ATP8A1: variants seen among roughly 807,000 people sequenced by gnomAD.
The protein encoded by ATP8A1 is phospholipid-transporting ATPase IA.
A neutral mutation model predicts 177.7 loss-of-function variants in ATP8A1; 90 were observed. The observed-to-expected ratio is 0.51, with a 90% CI of 0.43 to 0.60. ATP8A1 has a LOEUF of 0.60. Among genes scored for constraint, ATP8A1 ranks in the 20% least tolerant of loss-of-function variants. The pLI, the probability that ATP8A1 is intolerant of heterozygous loss-of-function variation, is 0.00. For missense variants in ATP8A1, 1,072 were observed against 1,392.8 expected, an observed-to-expected ratio of 0.77 and a Z score of 3.67; for synonymous variants, 493 against 485.9, an observed-to-expected ratio of 1.01 and a Z score of -0.19.
At chr4:42,529,223 G>A (rs1157250252) in intron 20 of ATP8A1, among the ~76,000 whole-genome samples, 1 of 152,282 alleles carries the variant, frequency 6.6e-6, no homozygotes, top group African/African-American at 2.4e-5. Context: ...GGCAGACGGG[G>A]ATGCTGTTTG....
At chr4:42,514,537 C>G (rs2153196256) in intron 22 of ATP8A1, among the ~76,000 whole-genome samples, 1 of 152,270 alleles carries the variant, frequency 6.6e-6, no homozygotes, top group African/African-American at 2.4e-5. Flanking sequence ...ACATAGAGTA[C>G]ATAGAGGCTG....
At chr4:42,431,399 T>G (rs1274216801) in intron 33 of ATP8A1, among the ~76,000 whole-genome samples, 3 of 152,312 alleles carry the variant, frequency 2.0e-5, no homozygotes, top group African/African-American at 7.2e-5. Context: ...TAATGATCCT[T>G]CTATTCAGAG....
chr4:42,564,170 G>A (rs1731126648), intron 15 of ATP8A1, among the ~76,000 whole-genome samples: 1 of 152,206 alleles, frequency 6.6e-6, no homozygotes, highest in Admixed American at 6.5e-5. Context: ...ATGCCTGGAT[G>A]TCCAGGCAAA....
intron 20 of ATP8A1, among the ~76,000 whole-genome samples, chr4:42,540,560 A>T (rs1276262467): frequency 1.3e-5 from 2 of 152,090 alleles, no homozygotes; most frequent in African/African-American, 2.4e-5. Flanking sequence ...AGATAAAAAA[A>T]AAAAACAGGT....
rs16854536 is a variant in ATP8A1 at position 42,583,415 on chromosome 4, A to G, written c.723-1683T>C. On this transcript the variant is annotated intron_variant, in intron 9 of 36. Coordinates refer to ENST00000381668, the MANE Select transcript of ATP8A1 (RefSeq NM_006095.2). Reference sequence around the variant, plus strand: ...GCCTTGGGCCTAAAGTGGGTTTCCAATAACTTCTTGGGAAGCTGCACTATG... The same window carrying G: ...GCCTTGGGCCTAAAGTGGGTTTCCAGTAACTTCTTGGGAAGCTGCACTATG... 3.9e-3 allele frequency among the ~76,000 whole-genome samples: 588 copies of G among 152,334 alleles called. 5 individuals are homozygous for G. Among genetic ancestry groups the G allele is most frequent in the African/African-American group, 0.014 (566 of 41,570 alleles).
intron 33 of ATP8A1, among the ~76,000 whole-genome samples, chr4:42,431,306 T>G (rs1232099441): frequency 6.6e-6 from 1 of 152,204 alleles, no homozygotes; most frequent in Non-Finnish European, 1.5e-5. Flanking sequence ...ATTATTTTCC[T>G]AGACTAGATT....
intron 19 of ATP8A1, among the ~76,000 whole-genome samples, chr4:42,544,451 C>T (rs1728694230): frequency 6.6e-6 from 1 of 152,148 alleles, no homozygotes; most frequent in Admixed American, 6.5e-5. Flanking sequence ...CTTTAAAAAA[C>T]AACTTAAGCA....
Position 42,618,671 on chromosome 4 carries a change from T to C in ATP8A1, c.364-2593A>G, listed in dbSNP as rs147779127. Among the ~76,000 whole-genome samples, 191 of 152,324 alleles carry C rather than the reference T, an allele frequency of 1.3e-3. 1 individual carries two copies. The highest frequency in any genetic ancestry group is 4.4e-3 in the African/African-American group (184 of 41,576). ...CCTGTTACTGTTGCTGAGACTACAG[T>C]AACAAGTGACAAAACCCCTTCCTTG... On this transcript the variant is annotated intron_variant, in intron 4 of 36. Coordinates refer to ENST00000381668, the MANE Select transcript of ATP8A1 (RefSeq NM_006095.2).
At chr4:42,490,484 T>C (rs924811622) in intron 24 of ATP8A1, among the ~76,000 whole-genome samples, 1 of 152,184 alleles carries the variant, frequency 6.6e-6, no homozygotes, top group Admixed American at 6.5e-5. Flanking sequence ...AGTCCAAATT[T>C]GGCCCCTGTC....
At position 42,476,394 on chromosome 4, in the gene ATP8A1, G is replaced by A. The variant is rs547664364; in HGVS notation, c.2324+9102C>T. ...TTGGGAGGCTGAGGCTGAGTCGGGC[G>A]GATCTCTTGAGGTCAGGAGTTTGAG... is the stretch of plus-strand genomic sequence containing the variant. On this transcript the variant is annotated intron_variant, in intron 25 of 36. Coordinates refer to ENST00000381668, the MANE Select transcript of ATP8A1 (RefSeq NM_006095.2). 1.9e-4 allele frequency among the ~76,000 whole-genome samples: 29 copies of A among 151,838 alleles called. No individual in the cohort carries two copies. The South Asian group carries it at 5.6e-3, about 29-fold the overall frequency.
chr4:42,594,443 A>G (rs1212049488), intron 6 of ATP8A1: 1 of 792,548 alleles, frequency 1.3e-6, no homozygotes, highest in African/African-American at 1.9e-5. Context: ...AAAGCATAGA[A>G]TACACAGTAA....
intron 1 of ATP8A1, among the ~76,000 whole-genome samples, chr4:42,636,201 T>G (rs1268720385): frequency 6.9e-6 from 1 of 144,320 alleles, no homozygotes; most frequent in African/African-American, 2.5e-5. Flanking sequence ...TCAAAACAAT[T>G]CTTGGCTGAA....
chr4:42,458,263 G>GA (rs1047124407), intron 27 of ATP8A1, among the ~76,000 whole-genome samples: 6 of 152,202 alleles, frequency 3.9e-5, no homozygotes, highest in African/African-American at 1.4e-4. Context: ...CACAGATTCA[G>GA]AAAGAAAACA....
intron 1 of ATP8A1, among the ~76,000 whole-genome samples, chr4:42,635,161 CTTTT>C (rs111950204): frequency 3.4e-5 from 5 of 148,068 alleles, no homozygotes; most frequent in African/African-American, 1.2e-4. Context: ...ATATTGAGTA[CTTTT>C]TTTTTTAACA....
rs927129743 is a variant in ATP8A1, at chr4:42,411,175, G to A, written c.*1741C>T. The A allele has an allele frequency of 1.3e-5, 2 of 152,092 alleles. No individual in the cohort carries two copies. The highest frequency in any genetic ancestry group is 2.9e-5 in the Non-Finnish European group (2 of 68,020). The allele number at this position is 152,092 out of a possible 1,614,324, so 9.4% of individuals were successfully genotyped here. A position where few individuals can be genotyped will look rare whatever the true frequency, so the allele number is the denominator to read the frequency against. On this transcript the variant is annotated 3_prime_UTR_variant, in exon 37 of 37. Transcript: ENST00000381668. Reference sequence around the variant, plus strand: ...AGTATGTAAACGTGTGTTCCCTTAAGGTTAGAATTATGTATATGTGTTATA... The same window carrying A: ...AGTATGTAAACGTGTGTTCCCTTAAAGTTAGAATTATGTATATGTGTTATA...
intron 4 of ATP8A1, 140 bp downstream of exon 4, chr4:42,624,396 A>G (rs1737816596): frequency 2.2e-6 from 1 of 453,660 alleles, no homozygotes; most frequent in African/African-American, 2.0e-5. Flanking sequence ...AGGGATAGGA[A>G]CATATTCTAG....
At chr4:42,595,463 A>G (rs1374702402) in intron 6 of ATP8A1, among the ~76,000 whole-genome samples, 1 of 152,196 alleles carries the variant, frequency 6.6e-6, no homozygotes, top group Non-Finnish European at 1.5e-5. Context: ...TTCAGCTGAA[A>G]TCTGAAAGTT....
intron 22 of ATP8A1, among the ~76,000 whole-genome samples, chr4:42,517,892 G>T (rs1257371271): frequency 6.6e-6 from 1 of 152,132 alleles, no homozygotes; most frequent in East Asian, 1.9e-4. Context: ...GATAACAATA[G>T]CCGGTGGGCT....
chr4:42,446,556 CA>C, intron 31 of ATP8A1, 26 bp downstream of exon 31: 1 of 1,606,678 alleles, frequency 6.2e-7, no homozygotes, highest in Non-Finnish European at 8.5e-7. Flanking sequence ...ATTTTACACG[CA>C]AACGAGACCG....
Sources: gnomAD v4.1 joint callset for allele counts (sites outside exome capture counted in the v4.1 genomes callset) on GRCh38, gnomAD v4.1.1 for gene constraint, MANE v1.5 for transcripts, NCBI Gene and HGNC (gene_info 2026-07-23, HGNC 2026-07-21) for gene names.